MPP7: variants seen among roughly 807,000 people sequenced by gnomAD.
MPP7 encodes MAGUK p55 scaffold protein 7.
Under a neutral mutation model 76.5 loss-of-function variants are expected in MPP7, and 60 were observed. The ratio of observed to expected loss-of-function variants is 0.78; its 90% CI spans 0.64 to 0.97. The LOEUF (loss-of-function observed/expected upper bound fraction) is 0.97. Among genes scored for constraint, MPP7 ranks in the 50% least tolerant of loss-of-function variants. MPP7 has a pLI of 0.00. For missense variants in MPP7, 641 were observed against 694.0 expected, an observed-to-expected ratio of 0.92 and a Z score of 0.86; for synonymous variants, 237 against 244.5, an observed-to-expected ratio of 0.97 and a Z score of 0.29.
At chr10:28,280,720 G>A (rs1840644289) in intron 1 of MPP7, among the ~76,000 whole-genome samples, 1 of 152,106 alleles carries the variant, frequency 6.6e-6, no homozygotes, top group African/African-American at 2.4e-5. Context: ...CTAGGGCGCA[G>A]CCTAGAGGAG....
At chr10:28,131,199 T>G (rs1835179694) in intron 6 of MPP7, among the ~76,000 whole-genome samples, 1 of 152,178 alleles carries the variant, frequency 6.6e-6, no homozygotes, top group Admixed American at 6.5e-5. Flanking sequence ...TAGTTTAAAT[T>G]TAAAAAGCAA....
At chr10:28,118,695 C>G in intron 11 of MPP7, 2 of 985,378 alleles carry the variant, frequency 2.0e-6, no homozygotes, top group Non-Finnish European at 1.2e-6. Context: ...CAAGGACAAG[C>G]AGGCTTTTGA....
At position 28,282,499 on chromosome 10, in the gene MPP7, G is replaced by A. The variant is rs541715815; in HGVS notation, c.-132+20362C>T. 1.1e-4 allele frequency among the ~76,000 whole-genome samples: 17 copies of A among 152,126 alleles called. 1 individual carries two copies. The highest frequency in any genetic ancestry group is 4.1e-4 in the African/African-American group (17 of 41,408). ...AAATTAGGGCTCAGGTGGATTCACT[G>A]AACTGGAGCTCATTAAAGCCACAGG... On this transcript the variant is annotated intron_variant, in intron 1 of 16. Transcript: ENST00000683449.
chr10:28,233,717 CAAAAAAAA>C (rs752333257), intron 2 of MPP7, among the ~76,000 whole-genome samples: 2 of 73,376 alleles, frequency 2.7e-5, no homozygotes, highest in African/African-American at 5.0e-5. Context: ...GACTCCGTCT[CAAAAAAAA>C]AAAAAAAAAA....
intron 11 of MPP7, among the ~76,000 whole-genome samples, chr10:28,101,924 C>A (rs367949244): frequency 1.3e-5 from 2 of 151,422 alleles, no homozygotes; most frequent in East Asian, 3.9e-4. Flanking sequence ...TGCCATCCAC[C>A]AAAGCTAAGC....
At chr10:28,181,540 T>TG (rs750635640) in intron 3 of MPP7, among the ~76,000 whole-genome samples, 76,139 of 152,118 alleles carry the variant, frequency 0.5, 21,403 homozygotes, top group Middle Eastern at 0.72. Context: ...TGTGAGCATC[T>TG]ATTATCGTGC....
chr10:28,089,853 A>G lies in MPP7; in HGVS notation c.953-12T>C. ...TTTTCTAAAACCAGCTGCAAATATT[A>G]AAATAAATATATTTTTAGTAACATC... On this transcript the variant is annotated splice_polypyrimidine_tract_variant and intron_variant, in intron 11 of 16. Coordinates refer to ENST00000683449, the MANE Select transcript of MPP7 (RefSeq NM_001318170.2). 1 of 1,350,372 alleles carries G rather than the reference A, an allele frequency of 7.4e-7. No individual in the cohort carries two copies. The highest frequency in any genetic ancestry group is 1.3e-5 in the South Asian group (1 of 74,366). 83.6% of individuals were successfully genotyped at this position (1,350,372 alleles called of 1,614,324 possible). A position where few individuals can be genotyped will look rare whatever the true frequency, so the allele number is the denominator to read the frequency against.
intron 1 of MPP7, among the ~76,000 whole-genome samples, chr10:28,292,490 T>G: frequency 6.6e-6 from 1 of 151,966 alleles, no homozygotes; most frequent in Non-Finnish European, 1.5e-5. Flanking sequence ...AATAAAACAT[T>G]AATACCACTG....
At chr10:28,217,017 T>C (rs577873359) in intron 2 of MPP7, among the ~76,000 whole-genome samples, 30 of 152,270 alleles carry the variant, frequency 2.0e-4, no homozygotes, top group Admixed American at 3.9e-4. Context: ...CCCAGCAATT[T>C]TTCTAAAATT....
rs191018674 is a variant in MPP7, at chr10:28,158,351, A to G, written c.157-8292T>C. 4.7e-3 allele frequency among the ~76,000 whole-genome samples: 714 copies of G among 152,316 alleles called. 5 individuals are homozygous for G. Among genetic ancestry groups the G allele is most frequent in the Non-Finnish European group, 8.4e-3 (571 of 68,024 alleles). On this transcript the variant is annotated intron_variant, in intron 3 of 16. Transcript: ENST00000683449. ...TGTGTGAAATTTATATATGAAATAT[A>G]AATTTCATATATACATACATACATA... is the stretch of plus-strand genomic sequence containing the variant.
chr10:28,107,200 C>A (rs985728678), intron 11 of MPP7, among the ~76,000 whole-genome samples: 1 of 152,134 alleles, frequency 6.6e-6, no homozygotes. Flanking sequence ...CTATTTTCTT[C>A]TATCTTTATC....
intron 2 of MPP7, among the ~76,000 whole-genome samples, chr10:28,222,081 T>A (rs1305707674): frequency 6.6e-6 from 1 of 152,090 alleles, no homozygotes; most frequent in Non-Finnish European, 1.5e-5. Flanking sequence ...TATTTTAATA[T>A]TGAACAATTC....
Position 28,127,272 on chromosome 10 carries a change from G to A in MPP7, c.448-2181C>T, listed in dbSNP as rs143858483. Among the ~76,000 whole-genome samples the A allele has an allele frequency of 1.8e-3, 279 of 152,220 alleles. 4 individuals carry two copies. The highest frequency in any genetic ancestry group is 0.013 in the East Asian group (68 of 5,184). On this transcript the variant is annotated intron_variant, in intron 6 of 16. Transcript: ENST00000683449. Reference sequence around the variant, plus strand: ...GAGAACTTACTCTGTGCAAGGCACCGTTCTAAGGGCTTATAATAAACTGAT... The same window carrying A: ...GAGAACTTACTCTGTGCAAGGCACCATTCTAAGGGCTTATAATAAACTGAT...
chr10:28,325,476 T>C (rs927996321), intron 2 of MPP7, among the ~76,000 whole-genome samples: 1 of 151,450 alleles, frequency 6.6e-6, no homozygotes, highest in Non-Finnish European at 1.5e-5. Flanking sequence ...CATAGTAATA[T>C]CCCATTTCAT....
At chr10:28,161,002 C>T (rs1038231593) in intron 3 of MPP7, among the ~76,000 whole-genome samples, 1 of 152,140 alleles carries the variant, frequency 6.6e-6, no homozygotes, top group Admixed American at 6.6e-5. Flanking sequence ...CAAAGTTCTG[C>T]CTTTCATGCT....
chr10:28,246,151 A>C (rs966137748), intron 1 of MPP7, among the ~76,000 whole-genome samples: 2 of 152,186 alleles, frequency 1.3e-5, no homozygotes, highest in Non-Finnish European at 2.9e-5. Context: ...TCATGCTAAG[A>C]CATATTATAA....
intron 2 of MPP7, among the ~76,000 whole-genome samples, chr10:28,233,982 G>C (rs552104215): frequency 6.6e-6 from 1 of 151,762 alleles, no homozygotes; most frequent in African/African-American, 2.4e-5. Context: ...AGAGAAAAGA[G>C]AAAAGAAACG....
chr10:28,175,299 A>G (rs944709167), intron 3 of MPP7, among the ~76,000 whole-genome samples: 8 of 152,066 alleles, frequency 5.3e-5, no homozygotes, highest in Non-Finnish European at 7.4e-5. Context: ...CAAAAAAAAA[A>G]AGGAAAAAAA....
At chr10:28,205,960 C>T (rs1393267095) in intron 2 of MPP7, among the ~76,000 whole-genome samples, 1 of 152,116 alleles carries the variant, frequency 6.6e-6, no homozygotes, top group Non-Finnish European at 1.5e-5. Context: ...GAAGGTGAGT[C>T]AGTCTTCTTC....
Sources: gnomAD v4.1 joint callset for allele counts (sites outside exome capture counted in the v4.1 genomes callset) on GRCh38, gnomAD v4.1.1 for gene constraint, MANE v1.5 for transcripts, NCBI Gene and HGNC (gene_info 2026-07-23, HGNC 2026-07-21) for gene names.